The following ADGRB3 variants were observed in gnomAD, a reference collection of about 807,000 sequenced individuals.
ADGRB3 encodes the protein brain-specific angiogenesis inhibitor 3.
Under a neutral mutation model 193.4 loss-of-function variants are expected in ADGRB3, and 37 were observed. The observed-to-expected ratio is 0.19, with a 90% CI of 0.15 to 0.25. The LOEUF is 0.25. Among genes scored for constraint, ADGRB3 ranks in the 10% least tolerant of loss-of-function variants. The pLI is 1.00. For missense variants in ADGRB3, 1,637 were observed against 1,852.9 expected, an observed-to-expected ratio of 0.88 and a Z score of 2.14; for synonymous variants, 690 against 644.2, an observed-to-expected ratio of 1.07 and a Z score of -1.08.
chr6:69,327,522 G>A (rs568899772), intron 21 of ADGRB3, among the ~76,000 whole-genome samples: 1 of 152,032 alleles, frequency 6.6e-6, no homozygotes, highest in East Asian at 1.9e-4. Context: ...TAAACCCCTA[G>A]GGAAAAAAAT....
At chr6:68,738,548 C>T (rs1016491328) in intron 3 of ADGRB3, among the ~76,000 whole-genome samples, 3 of 151,772 alleles carry the variant, frequency 2.0e-5, no homozygotes, top group Non-Finnish European at 4.4e-5. Flanking sequence ...GGGAGAAGGT[C>T]GTGAAGATAA....
intron 8 of ADGRB3, among the ~76,000 whole-genome samples, chr6:68,961,614 A>G (rs1768236544): frequency 6.6e-6 from 1 of 152,150 alleles, no homozygotes; most frequent in South Asian, 2.1e-4. Flanking sequence ...AGATTCTTCT[A>G]AACTAAACTC....
At chr6:69,145,866 C>A (rs772320905) in intron 17 of ADGRB3, among the ~76,000 whole-genome samples, 1 of 152,006 alleles carries the variant, frequency 6.6e-6, no homozygotes, top group Non-Finnish European at 1.5e-5. Context: ...CTGTTCATCC[C>A]GACCTCTCTT....
chr6:68,817,028 T>C (rs1221416939), intron 3 of ADGRB3, among the ~76,000 whole-genome samples: 1 of 151,850 alleles, frequency 6.6e-6, no homozygotes, highest in Non-Finnish European at 1.5e-5. Flanking sequence ...TTTTTTATAA[T>C]ATAAACTTGT....
At chr6:69,032,497 C>T (rs1300769694) in intron 13 of ADGRB3, among the ~76,000 whole-genome samples, 2 of 152,164 alleles carry the variant, frequency 1.3e-5, no homozygotes, top group Admixed American at 1.3e-4. Context: ...AATAATTGCT[C>T]ATCTCTATGG....
At chr6:68,972,622 G>A (rs746579709) in intron 8 of ADGRB3, among the ~76,000 whole-genome samples, 15 of 150,132 alleles carry the variant, frequency 1.0e-4, no homozygotes, top group South Asian at 2.1e-4. Flanking sequence ...GTGCTAACTC[G>A]TAGGTGGTTG....
intron 15 of ADGRB3, among the ~76,000 whole-genome samples, chr6:69,052,970 G>A (rs1217742720): frequency 6.6e-6 from 1 of 152,178 alleles, no homozygotes; most frequent in East Asian, 1.9e-4. Flanking sequence ...TGGATGACTT[G>A]AGGTCATGCA....
intron 3 of ADGRB3, among the ~76,000 whole-genome samples, chr6:68,659,771 A>G (rs2127286633): frequency 6.6e-6 from 1 of 151,254 alleles, no homozygotes; most frequent in South Asian, 2.1e-4. Flanking sequence ...TTAGAAAACC[A>G]TTCTAGGGCA....
chr6:68,945,317 A>T (rs1178567899), intron 6 of ADGRB3, among the ~76,000 whole-genome samples: 1 of 152,086 alleles, frequency 6.6e-6, no homozygotes, highest in Non-Finnish European at 1.5e-5. Context: ...GTTAATATTC[A>T]TACAATTATG....
In ADGRB3 at chr6:68,857,768, T is replaced by A. The variant is rs149297004; in HGVS notation, c.758-72791T>A. On this transcript the variant is annotated intron_variant, in intron 3 of 31. Coordinates refer to ENST00000370598, the MANE Select transcript of ADGRB3 (RefSeq NM_001704.3). ...GGTTTTGAAATGTGAAGATGTGAGA[T>A]TTGGGAGGAGCCAGGGGCAGAATTA... 2.2e-3 allele frequency among the ~76,000 whole-genome samples: 333 copies of A among 152,100 alleles called. 5 individuals carry two copies. Among genetic ancestry groups the A allele is most frequent in the Middle Eastern group, 6.8e-3 (2 of 294 alleles).
intron 10 of ADGRB3, among the ~76,000 whole-genome samples, chr6:68,977,115 C>G (rs561220716): frequency 1.5e-4 from 22 of 149,068 alleles, no homozygotes; most frequent in African/African-American, 4.9e-4. Context: ...TTTTTATAGT[C>G]TTTTTTTGTT....
intron 13 of ADGRB3, among the ~76,000 whole-genome samples, chr6:69,047,502 CTG>C (rs1216137922): frequency 6.6e-6 from 1 of 151,318 alleles, no homozygotes; most frequent in Non-Finnish European, 1.5e-5. Flanking sequence ...ACACAATTCT[CTG>C]TTTATATAAT....
intron 20 of ADGRB3, among the ~76,000 whole-genome samples, chr6:69,271,326 T>C (rs1320266805): frequency 2.0e-5 from 3 of 152,100 alleles, no homozygotes; most frequent in Non-Finnish European, 4.4e-5. Context: ...GAGTTGTGGG[T>C]AAATGAATGT....
intron 5 of ADGRB3, among the ~76,000 whole-genome samples, chr6:68,938,226 A>G (rs1474461708): frequency 6.6e-6 from 1 of 152,090 alleles, no homozygotes; most frequent in Non-Finnish European, 1.5e-5. Flanking sequence ...AAACAAAAAA[A>G]GATTCACAAG....
intron 3 of ADGRB3, among the ~76,000 whole-genome samples, chr6:68,896,032 G>A (rs1392428131): frequency 6.6e-6 from 1 of 152,030 alleles, no homozygotes; most frequent in Non-Finnish European, 1.5e-5. Context: ...AAGAACACAA[G>A]CCAGAAATGA....
intron 20 of ADGRB3, among the ~76,000 whole-genome samples, chr6:69,243,991 T>C (rs1460099511): frequency 6.6e-6 from 1 of 152,056 alleles, no homozygotes; most frequent in Admixed American, 6.6e-5. Context: ...TGAGTCTTAA[T>C]TGACCTAGGA....
chr6:69,380,383 G>A (rs1322505248), intron 30 of ADGRB3, among the ~76,000 whole-genome samples: 3 of 151,934 alleles, frequency 2.0e-5, no homozygotes, highest in Admixed American at 2.0e-4. Flanking sequence ...ACAAGATGAA[G>A]GATAATTGGA....
intron 3 of ADGRB3, among the ~76,000 whole-genome samples, chr6:68,839,110 A>ACACATG (rs35320136): frequency 3.2e-5 from 3 of 93,096 alleles, no homozygotes; most frequent in African/African-American, 3.2e-4. Flanking sequence ...ACACACACAC[A>ACACATG]TTCCCACATA....
intron 11 of ADGRB3, among the ~76,000 whole-genome samples, chr6:69,008,408 C>T (rs1769836816): frequency 6.6e-6 from 1 of 152,070 alleles, no homozygotes; most frequent in Non-Finnish European, 1.5e-5. Context: ...TTTTCATTTG[C>T]ACATCCACTG....
Sources: gnomAD v4.1 joint callset for allele counts (sites outside exome capture counted in the v4.1 genomes callset) on GRCh38, gnomAD v4.1.1 for gene constraint, MANE v1.5 for transcripts, NCBI Gene and HGNC (gene_info 2026-07-23, HGNC 2026-07-21) for gene names.